The following EXOC6B variants were observed in gnomAD, a reference collection of about 807,000 sequenced individuals.
EXOC6B encodes exocyst complex component 6B, also known as SEC15 homolog B.
A neutral mutation model predicts 113.5 loss-of-function variants in EXOC6B; 54 were observed. That is an observed-to-expected ratio of 0.48 (90% CI 0.38 to 0.60). EXOC6B has a LOEUF of 0.60. Among genes scored for constraint, EXOC6B ranks in the 20% least tolerant of loss-of-function variants. The pLI is 0.00. For synonymous variants in EXOC6B, 357 were observed against 339.0 expected (o/e 1.05, Z -0.58); for missense variants, 797 against 977.5 (o/e 0.82, Z 2.46).
intron 18 of EXOC6B, among the ~76,000 whole-genome samples, chr2:72,461,028 A>G (rs1352142968): frequency 1.3e-5 from 2 of 152,012 alleles, no homozygotes; most frequent in African/African-American, 4.8e-5. Flanking sequence ...CTATGCAGCC[A>G]TAAAAAATGA....
At chr2:72,205,494 G>T (rs1215244298) in intron 20 of EXOC6B, among the ~76,000 whole-genome samples, 1 of 152,186 alleles carries the variant, frequency 6.6e-6, no homozygotes, top group Admixed American at 6.5e-5. Context: ...GAAAAGGCCA[G>T]GGAATGCTCT....
chr2:72,248,150 A>T (rs1479642238), intron 20 of EXOC6B, among the ~76,000 whole-genome samples: 1 of 152,220 alleles, frequency 6.6e-6, no homozygotes, highest in Admixed American at 6.5e-5. Context: ...TACAAAAATG[A>T]TGATGACATG....
In EXOC6B at chr2:72,570,211, T is replaced by C. The variant is rs565203112; in HGVS notation, c.846+5281A>G. 1.8e-3 allele frequency among the ~76,000 whole-genome samples: 279 copies of C among 152,252 alleles called. 4 individuals carry two copies. Among genetic ancestry groups the C allele is most frequent in the Non-Finnish European group, 3.2e-4 (22 of 68,002 alleles). On this transcript the variant is annotated intron_variant, in intron 7 of 21. Transcript: ENST00000272427. The stretch of plus-strand genomic sequence containing the variant: ...AGCAAAGAAAAAAACTGTATGAGGA[T>C]ACGGCTAGAAGGCAACTATCTGCAA...
In EXOC6B at chr2:72,541,492, T is replaced by C. The variant is rs1412946011; in HGVS notation, c.915+17961A>G. On this transcript the variant is annotated intron_variant, in intron 8 of 21. Coordinates refer to ENST00000272427, the MANE Select transcript of EXOC6B (RefSeq NM_015189.3). ...TAATTAAGTGCATTCATAGAGGTTATACAAAAGCCCTTCTCCTCCTAACAT... is the reference window on the plus strand; with the variant it reads ...TAATTAAGTGCATTCATAGAGGTTACACAAAAGCCCTTCTCCTCCTAACAT... Among the ~76,000 whole-genome samples the C allele has an allele frequency of 2.6e-5, 4 of 152,168 alleles. No homozygotes were observed. In the South Asian group the frequency reaches 6.2e-4, roughly 24 times the overall value.
chr2:72,808,006 C>A (rs1018763771), intron 1 of EXOC6B, among the ~76,000 whole-genome samples: 1 of 152,148 alleles, frequency 6.6e-6, no homozygotes, highest in African/African-American at 2.4e-5. Context: ...GATGGATACC[C>A]CATTTTCCAT....
chr2:72,423,448 A>C (rs1291106344), intron 18 of EXOC6B, among the ~76,000 whole-genome samples: 1 of 152,202 alleles, frequency 6.6e-6, no homozygotes, highest in Non-Finnish European at 1.5e-5. Context: ...GTTTTGATTC[A>C]TATATAAGAA....
intron 18 of EXOC6B, among the ~76,000 whole-genome samples, chr2:72,436,413 T>A (rs1695874397): frequency 6.6e-6 from 1 of 152,210 alleles, no homozygotes; most frequent in Non-Finnish European, 1.5e-5. Flanking sequence ...TTTGTGGTGT[T>A]CTCTGTATTT....
At chr2:72,347,817 T>C (rs938011389) in intron 19 of EXOC6B, among the ~76,000 whole-genome samples, 7 of 152,140 alleles carry the variant, frequency 4.6e-5, no homozygotes, top group Admixed American at 6.6e-5. Context: ...CTAGATGACA[T>C]TGATTATAAC....
chr2:72,823,066 A>T (rs1028060815), intron 1 of EXOC6B, among the ~76,000 whole-genome samples: 2 of 151,544 alleles, frequency 1.3e-5, no homozygotes, highest in African/African-American at 4.9e-5. Flanking sequence ...TAGACTAAAG[A>T]CAAAGGCAGT....
chr2:72,286,130 A>G (rs1196640805), intron 20 of EXOC6B, among the ~76,000 whole-genome samples: 1 of 152,194 alleles, frequency 6.6e-6, no homozygotes, highest in African/African-American at 2.4e-5. Context: ...TGATCCAGCA[A>G]TTATACTCCC....
intron 1 of EXOC6B, among the ~76,000 whole-genome samples, chr2:72,749,634 AAAT>A (rs1435762824): frequency 1.3e-5 from 2 of 152,026 alleles, no homozygotes; most frequent in Non-Finnish European, 2.9e-5. Context: ...AGACATATGC[AAAT>A]ATTAAGAGAC....
intron 2 of EXOC6B, among the ~76,000 whole-genome samples, chr2:72,734,762 T>C (rs746080090): frequency 3.3e-5 from 5 of 152,142 alleles, no homozygotes; most frequent in Non-Finnish European, 7.4e-5. Context: ...TTAAGAAGGC[T>C]TTACAAGCTG....
At chr2:72,374,307 G>C (rs1023721273) in intron 19 of EXOC6B, among the ~76,000 whole-genome samples, 1 of 152,138 alleles carries the variant, frequency 6.6e-6, no homozygotes, top group Non-Finnish European at 1.5e-5. Flanking sequence ...CAGATATATG[G>C]AGAGAGAAAC....
At chr2:72,317,745 TGTACCA>T (rs1687607344) in intron 20 of EXOC6B, among the ~76,000 whole-genome samples, 1 of 152,200 alleles carries the variant, frequency 6.6e-6, no homozygotes, top group Non-Finnish European at 1.5e-5. Context: ...ATAGCCTTGG[TGTACCA>T]GTAGCTTTTG....
intron 6 of EXOC6B, among the ~76,000 whole-genome samples, chr2:72,649,141 A>G (rs1242377887): frequency 5.9e-5 from 9 of 152,170 alleles, no homozygotes; most frequent in African/African-American, 2.2e-4. Flanking sequence ...CCCTGTCTCT[A>G]TTTAAAGAAA....
chr2:72,614,140 A>G (rs1049359572), intron 6 of EXOC6B, among the ~76,000 whole-genome samples: 5 of 152,138 alleles, frequency 3.3e-5, no homozygotes, highest in African/African-American at 1.2e-4. Flanking sequence ...CTAGAGCTTC[A>G]TTTTTAATGA....
At chr2:72,351,249 A>G (rs1689639637) in intron 19 of EXOC6B, among the ~76,000 whole-genome samples, 3 of 152,220 alleles carry the variant, frequency 2.0e-5, no homozygotes, top group Non-Finnish European at 4.4e-5. Flanking sequence ...TACAAAGAAA[A>G]CAAATTAAGA....
chr2:72,522,407 T>C (rs1367070779), intron 8 of EXOC6B, among the ~76,000 whole-genome samples: 2 of 152,166 alleles, frequency 1.3e-5, no homozygotes, highest in African/African-American at 2.4e-5. Flanking sequence ...TCAGGCAACA[T>C]TGGAAATAGT....
At chr2:72,295,717 C>T (rs1686090295) in intron 20 of EXOC6B, among the ~76,000 whole-genome samples, 1 of 152,060 alleles carries the variant, frequency 6.6e-6, no homozygotes, top group Non-Finnish European at 1.5e-5. Context: ...GGTTTGCAAG[C>T]AGAGAAAAGG....
Sources: gnomAD v4.1 joint callset for allele counts (sites outside exome capture counted in the v4.1 genomes callset) on GRCh38, gnomAD v4.1.1 for gene constraint, MANE v1.5 for transcripts, NCBI Gene and HGNC (gene_info 2026-07-23, HGNC 2026-07-21) for gene names.